GABRG1: variants seen among roughly 807,000 people sequenced by gnomAD.
GABRG1 encodes the protein gamma-aminobutyric acid receptor subunit gamma-1.
In GABRG1, 49 loss-of-function variants were observed where a neutral mutation model predicts 49.8. The ratio of observed to expected loss-of-function variants is 0.98; its 90% CI spans 0.78 to 1.25. The LOEUF is 1.25. GABRG1 is among the 50% of genes most tolerant of loss of function. The pLI is 0.00. For missense variants in GABRG1, 552 were observed against 552.3 expected (o/e 1.00, Z 0.01); for synonymous variants, 232 against 185.1 (o/e 1.25, Z -2.06).
chr4:46,098,284 T>G (rs1720256129), intron 1 of GABRG1, among the ~76,000 whole-genome samples: 2 of 151,752 alleles, frequency 1.3e-5, no homozygotes, highest in Non-Finnish European at 1.5e-5. Flanking sequence ...TTATTGCCCA[T>G]AAGTAACGCC....
chr4:46,080,164 AT>A (rs1428200644), intron 3 of GABRG1, among the ~76,000 whole-genome samples: 1 of 151,764 alleles, frequency 6.6e-6, no homozygotes, highest in African/African-American at 2.4e-5. Flanking sequence ...AGAAACACCC[AT>A]TTTGCAGCAA....
At chr4:46,083,793 T>C (rs1328526124) in intron 3 of GABRG1, among the ~76,000 whole-genome samples, 193 bp downstream of exon 3, 1 of 151,640 alleles carries the variant, frequency 6.6e-6, no homozygotes, top group Non-Finnish European at 1.5e-5. Context: ...CACATTGGAA[T>C]AACAAGATAC....
intron 3 of GABRG1, among the ~76,000 whole-genome samples, chr4:46,074,432 G>A (rs1042477789): frequency 2.0e-5 from 3 of 152,056 alleles, no homozygotes; most frequent in Admixed American, 2.0e-4. Flanking sequence ...TGCTAGTGGG[G>A]CATTATTTGC....
At chr4:46,078,317 T>A (rs774632942) in intron 3 of GABRG1, among the ~76,000 whole-genome samples, 1 of 152,050 alleles carries the variant, frequency 6.6e-6, no homozygotes, top group African/African-American at 2.4e-5. Flanking sequence ...CATTTGCCAT[T>A]TCAAAATTCT....
At chr4:46,069,706 A>C (rs940801665) in intron 3 of GABRG1, among the ~76,000 whole-genome samples, 1 of 152,086 alleles carries the variant, frequency 6.6e-6, no homozygotes, top group Non-Finnish European at 1.5e-5. Flanking sequence ...TTCATCAATT[A>C]AATTTTTAGC....
chr4:46,078,609 T>A (rs1719447052), intron 3 of GABRG1, among the ~76,000 whole-genome samples: 1 of 151,852 alleles, frequency 6.6e-6, no homozygotes, highest in Non-Finnish European at 1.5e-5. Flanking sequence ...GGAAAGAATA[T>A]CTCTATGAGC....
Position 46,064,427 on chromosome 4 carries a change from G to C in GABRG1, c.625+14C>G. ...TTAAAATTCTATGAAATTATCAAGT[G>C]TTTTGTTACTTACAGCTTGAAAATT... On this transcript the variant is annotated intron_variant, in intron 5 of 8. Coordinates refer to ENST00000295452, the MANE Select transcript of GABRG1 (RefSeq NM_173536.4). 7.2e-7 allele frequency: 1 copy of C among 1,389,166 alleles called. No individual in the cohort carries two copies. The highest frequency in any genetic ancestry group is 2.6e-5 in the East Asian group (1 of 38,956). 86.1% of individuals were successfully genotyped at this position (1,389,166 alleles called of 1,614,324 possible).
chr4:46,050,853 A>G (rs1019160545), intron 8 of GABRG1, among the ~76,000 whole-genome samples: 5 of 151,892 alleles, frequency 3.3e-5, no homozygotes, highest in African/African-American at 1.2e-4. Context: ...TCAGGTTGCT[A>G]TAATTGATAA....
At chr4:46,117,728 A>C (rs1379556144) in intron 1 of GABRG1, among the ~76,000 whole-genome samples, 1 of 144,520 alleles carries the variant, frequency 6.9e-6, no homozygotes, top group Non-Finnish European at 1.5e-5. Context: ...ATACATATAC[A>C]TATATACATA....
At chr4:46,116,956 A>T (rs1720912471) in intron 1 of GABRG1, among the ~76,000 whole-genome samples, 1 of 150,498 alleles carries the variant, frequency 6.6e-6, no homozygotes, top group Non-Finnish European at 1.5e-5. Context: ...GTGCTGGAAA[A>T]TTAATATTAT....
chr4:46,058,349 T>C lies in GABRG1; in HGVS notation c.784A>G (p.Ile262Val), dbSNP rs1560352399. Reference sequence around the variant, plus strand: ...ATTCTTCTGCTCAGGTCAAAAAAAATTGTCATGATAACATAATCCCCTGTA... The same window carrying C: ...ATTCTTCTGCTCAGGTCAAAAAAAACTGTCATGATAACATAATCCCCTGTA... ...TISGDYVIMT[I>V]FFDLSRRMGY... is the part of the protein sequence containing the mutation. The change falls in exon 7 of 9, where the codon ATT becomes GTT. Residue 262 changes from isoleucine to valine, a missense_variant. Transcript: ENST00000295452. 1.2e-6 allele frequency: 2 copies of C among 1,611,300 alleles called. No homozygotes were observed. The highest frequency in any genetic ancestry group is 1.7e-6 in the Non-Finnish European group (2 of 1,178,856).
chr4:46,084,823 TA>T (rs1719695794), intron 2 of GABRG1, among the ~76,000 whole-genome samples: 1 of 151,682 alleles, frequency 6.6e-6, no homozygotes, highest in South Asian at 2.1e-4. Flanking sequence ...ATATGATTTA[TA>T]GAAGGTTTTA....
chr4:46,115,886 T>A (rs1222006305), intron 1 of GABRG1, among the ~76,000 whole-genome samples: 1 of 150,782 alleles, frequency 6.6e-6, no homozygotes, highest in Non-Finnish European at 1.5e-5. Context: ...AAAAGAGTAA[T>A]ATCAGAATAC....
chr4:46,124,002 G>C lies in GABRG1; in HGVS notation c.-89C>G, dbSNP rs1721177964. ...CCTCAGCAGCAGCTGGCTGAGTACA[G>C]AAGGGAGAGTGTGGAAAGGCAGTGC... On this transcript the variant is annotated 5_prime_UTR_variant, in exon 1 of 9. Transcript: ENST00000295452. 1.1e-6 allele frequency: 1 copy of C among 951,512 alleles called. No individual in the cohort carries two copies. The highest frequency in any genetic ancestry group is 1.7e-6 in the Non-Finnish European group (1 of 603,894). 58.9% of individuals were successfully genotyped at this position (951,512 alleles called of 1,614,324 possible).
At chr4:46,083,078 A>C (rs1719633236) in intron 3 of GABRG1, among the ~76,000 whole-genome samples, 2 of 151,870 alleles carry the variant, frequency 1.3e-5, no homozygotes, top group South Asian at 4.1e-4. Flanking sequence ...TTTGGGGTAC[A>C]TAGGCCTGCA....
At chr4:46,045,056 C>T (rs1180333624) in intron 8 of GABRG1, among the ~76,000 whole-genome samples, 3 of 151,922 alleles carry the variant, frequency 2.0e-5, no homozygotes, top group East Asian at 1.9e-4. Context: ...CGAAACTTAC[C>T]GGGCCTATTT....
chr4:46,053,547 T>C (rs1033214691), intron 7 of GABRG1, among the ~76,000 whole-genome samples: 2 of 151,982 alleles, frequency 1.3e-5, no homozygotes, highest in Non-Finnish European at 2.9e-5. Flanking sequence ...AAATGATATA[T>C]ACAAGTCTCC....
intron 3 of GABRG1, among the ~76,000 whole-genome samples, chr4:46,070,144 C>G (rs1719063644): frequency 6.6e-6 from 1 of 151,950 alleles, no homozygotes; most frequent in Non-Finnish European, 1.5e-5. Context: ...CAACTATTAT[C>G]TAAAATTACC....
At chr4:46,059,394 T>C (rs982350732) in intron 5 of GABRG1, among the ~76,000 whole-genome samples, 1 of 142,202 alleles carries the variant, frequency 7.0e-6, no homozygotes, top group Non-Finnish European at 1.5e-5. Flanking sequence ...CATATTCTCC[T>C]TTTTTTTTTT....
Sources: allele counts gnomAD v4.1 joint callset (sites outside exome capture counted in the v4.1 genomes callset), GRCh38; gene constraint gnomAD v4.1.1; transcripts MANE v1.5; gene names NCBI Gene and HGNC (gene_info 2026-07-23, HGNC 2026-07-21).